The following ABLIM1 variants were observed in gnomAD, a reference collection of about 807,000 sequenced individuals.
The protein encoded by ABLIM1 is actin binding LIM protein 1, also known as actin-binding LIM protein 1.
In ABLIM1, 40 loss-of-function variants were observed where a neutral mutation model predicts 107.0. That is an observed-to-expected ratio of 0.37 (90% CI 0.29 to 0.49). ABLIM1 has a LOEUF of 0.49. Ranked by LOEUF, ABLIM1 falls within the 20% of genes least tolerant of loss-of-function variation. ABLIM1 has a pLI of 0.97. For missense variants in ABLIM1, 857 were observed against 1,008.5 expected, an observed-to-expected ratio of 0.85 and a Z score of 2.04; for synonymous variants, 357 against 357.3, an observed-to-expected ratio of 1.00 and a Z score of 0.01.
At chr10:114,773,195 T>C in the ABLIM1 span, among the ~76,000 whole-genome samples, 1 of 152,050 alleles carries the variant, frequency 6.6e-6, no homozygotes, top group South Asian at 2.1e-4. Flanking sequence ...ATAAAATACA[T>C]ATATCAATAA....
chr10:114,690,721 G>A (rs2081057921), intron 1 of ABLIM1: 2 of 415,358 alleles, frequency 4.8e-6, no homozygotes, highest in Non-Finnish European at 8.8e-6. Flanking sequence ...TTGCTTTGTT[G>A]CCCAAGCTGG....
intron 14 of ABLIM1, among the ~76,000 whole-genome samples, chr10:114,449,787 G>T (rs1186092303): frequency 1.3e-5 from 2 of 152,148 alleles, no homozygotes; most frequent in African/African-American, 2.4e-5. Flanking sequence ...TTTCTCAAAC[G>T]CATCAGGGCA....
chr10:114,463,069 G>A lies in ABLIM1; in HGVS notation c.1441+2629C>T, dbSNP rs1406783197. On this transcript the variant is annotated intron_variant, in intron 12 of 22. Coordinates refer to ENST00000533213, the MANE Select transcript of ABLIM1 (RefSeq NM_002313.7). ...CCTTTGATATGGGGAATGAAGTGGT[G>A]TCGGAAAGGGGGGTTGGGGCGGGAG... 2.2e-6 allele frequency: 3 copies of A among 1,341,890 alleles called. No homozygotes were observed. In the Admixed American group the frequency reaches 6.2e-5, roughly 28 times the overall value. The allele number at this position is 1,341,890 out of a possible 1,614,324, so 83.1% of individuals were successfully genotyped here.
chr10:114,742,878 GTGCCAT>G (rs1316695444), intron 1 of ABLIM1, among the ~76,000 whole-genome samples: 2 of 152,110 alleles, frequency 1.3e-5, no homozygotes, highest in Non-Finnish European at 2.9e-5. Flanking sequence ...CGCCAAGATT[GTGCCAT>G]TGCACTCCAG....
chr10:114,632,205 G>T (rs1251484671), intron 1 of ABLIM1: 6 of 985,246 alleles, frequency 6.1e-6, no homozygotes, highest in Non-Finnish European at 7.2e-6. Flanking sequence ...ACTCGCTACA[G>T]CTGCTGCTGT....
chr10:114,757,071 T>C (rs2082646176), intron 1 of ABLIM1, among the ~76,000 whole-genome samples: 2 of 152,328 alleles, frequency 1.3e-5, no homozygotes, highest in South Asian at 4.1e-4. Context: ...TGTTGATAAA[T>C]GGCATAATTT....
chr10:114,632,843 C>G (rs1277630743), intron 1 of ABLIM1: 1 of 952,012 alleles, frequency 1.1e-6, no homozygotes, highest in Non-Finnish European at 1.3e-6. Flanking sequence ...TCATCTAGTT[C>G]GGTCCACCAC....
At chr10:114,613,692 A>T (rs1485821388) in intron 1 of ABLIM1, 1 of 1,323,996 alleles carries the variant, frequency 7.6e-7, no homozygotes, top group African/African-American at 1.5e-5. Context: ...CCACTGGGAG[A>T]TGAAAGCATG....
rs60979966 is a variant in ABLIM1 at position 114,655,484 on chromosome 10, T to C, written c.244+2473A>G. On this transcript the variant is annotated intron_variant, in intron 1 of 22. Coordinates refer to ENST00000533213, the MANE Select transcript of ABLIM1 (RefSeq NM_002313.7). ...TGGCTCATTCCAAAAATATCTGATT[T>C]GAGTCTGTTTGAGTAGAAACATTCC... Among the ~76,000 whole-genome samples the C allele has an allele frequency of 3.2e-3, 495 of 152,348 alleles. 2 individuals are homozygous for C. Among genetic ancestry groups the C allele is most frequent in the African/African-American group, 0.011 (464 of 41,580 alleles).
At chr10:114,556,057 T>A (rs2068689098) in intron 4 of ABLIM1, among the ~76,000 whole-genome samples, 2 of 152,174 alleles carry the variant, frequency 1.3e-5, no homozygotes, top group Admixed American at 1.3e-4. Flanking sequence ...TGGCCAGGAC[T>A]CAAGCTAAGG....
chr10:114,445,596 A>G (rs982604757), intron 15 of ABLIM1, among the ~76,000 whole-genome samples, 193 bp from the exon 16 acceptor site: 5 of 152,184 alleles, frequency 3.3e-5, no homozygotes, highest in Non-Finnish European at 5.9e-5. Flanking sequence ...TCTCAAGAAA[A>G]TGGCCCTGTG....
At chr10:114,723,299 T>C (rs2081889992) in intron 1 of ABLIM1, among the ~76,000 whole-genome samples, 1 of 152,026 alleles carries the variant, frequency 6.6e-6, no homozygotes, top group South Asian at 2.1e-4. Context: ...GGGCATACCG[T>C]GTTAGAGGGA....
intron 1 of ABLIM1, among the ~76,000 whole-genome samples, chr10:114,679,951 A>G (rs947439353): frequency 6.6e-6 from 1 of 152,240 alleles, no homozygotes; most frequent in African/African-American, 2.4e-5. Flanking sequence ...GGCAGCGGTC[A>G]AAGGGAGCTT....
chr10:114,740,450 C>T (rs144471970), intron 1 of ABLIM1, among the ~76,000 whole-genome samples: 226 of 151,894 alleles, frequency 1.5e-3, no homozygotes, highest in Non-Finnish European at 2.6e-3. Context: ...TCCACCACTT[C>T]CCTCGGAAAT....
In ABLIM1 at chr10:114,489,665, G is replaced by A. The variant is rs142892373; in HGVS notation, c.983-1649C>T. ...TGCAGGCTCAGGAGAAGCATTCGCC[G>A]TGAAGGTTCTGCTGAGCAGGAGTCA... is the stretch of plus-strand genomic sequence containing the variant. On this transcript the variant is annotated intron_variant, in intron 7 of 22. Coordinates refer to ENST00000533213, the MANE Select transcript of ABLIM1 (RefSeq NM_002313.7). 6.6e-5 allele frequency among the ~76,000 whole-genome samples: 10 copies of A among 152,266 alleles called. No individual in the cohort carries two copies. In the East Asian group the frequency reaches 7.7e-4, roughly 12 times the overall value.
At chr10:114,583,915 TG>T (rs778774032) in intron 2 of ABLIM1, among the ~76,000 whole-genome samples, 11 of 151,996 alleles carry the variant, frequency 7.2e-5, no homozygotes, top group Admixed American at 1.3e-4. Flanking sequence ...GGAGCTAAAC[TG>T]TGGGTACATA....
At chr10:114,461,223 C>T (rs1011869993) in intron 12 of ABLIM1, among the ~76,000 whole-genome samples, 3 of 151,542 alleles carry the variant, frequency 2.0e-5, no homozygotes, top group East Asian at 1.9e-4. Context: ...CCACCATGCC[C>T]GGCTAATTTT....
chr10:114,688,820 C>T (rs1312076256), upstream of ABLIM1, among the ~76,000 whole-genome samples: 1 of 152,152 alleles, frequency 6.6e-6, no homozygotes, highest in African/African-American at 2.4e-5. Context: ...GATGCCAAAG[C>T]CATTTTCATG....
intron 3 of ABLIM1, among the ~76,000 whole-genome samples, chr10:114,574,917 C>T (rs529874571): frequency 6.6e-5 from 10 of 152,218 alleles, no homozygotes; most frequent in African/African-American, 2.2e-4. Context: ...GTTGTTGCAG[C>T]GTGGAAGCAG....
Sources: allele counts gnomAD v4.1 joint callset (sites outside exome capture counted in the v4.1 genomes callset), GRCh38; gene constraint gnomAD v4.1.1; transcripts MANE v1.5; gene names NCBI Gene and HGNC (gene_info 2026-07-23, HGNC 2026-07-21).